Variants in FBN2 observed in about 807,000 individuals in gnomAD.
FBN2 encodes the protein fibrillin 2, also known as fibrillin-2.
A neutral mutation model predicts 355.6 loss-of-function variants in FBN2; 105 were observed. The ratio of observed to expected loss-of-function variants is 0.30; its 90% CI spans 0.25 to 0.35. The LOEUF is 0.35. Ranked by LOEUF, FBN2 falls within the 10% of genes least tolerant of loss-of-function variation. The pLI is 1.00. For missense variants in FBN2, 3,280 were observed against 3,758.7 expected, an observed-to-expected ratio of 0.87 and a Z score of 3.33; for synonymous variants, 1,350 against 1,301.2, an observed-to-expected ratio of 1.04 and a Z score of -0.81.
chr5:128,408,863 A>ATT (rs770303611), intron 7 of FBN2, 64 bp from the exon 8 acceptor site: 6 of 1,511,688 alleles, frequency 4.0e-6, no homozygotes, highest in Non-Finnish European at 5.5e-6. Context: ...TTTAAAAGAG[A>ATT]TTTTTTTTTT....
chr5:128,431,364 C>T (rs1753622075), intron 7 of FBN2, among the ~76,000 whole-genome samples: 1 of 152,160 alleles, frequency 6.6e-6, no homozygotes, highest in African/African-American at 2.4e-5. Flanking sequence ...ATGCCTGAAA[C>T]CATGCATGGT....
chr5:128,396,092 ATGAGGC>A (rs1342992771), intron 8 of FBN2, among the ~76,000 whole-genome samples: 3 of 152,302 alleles, frequency 2.0e-5, no homozygotes, highest in African/African-American at 7.2e-5. Context: ...AGTGGAGATG[ATGAGGC>A]TGAGCAGAGG....
chr5:128,350,776 T>C, intron 21 of FBN2, 92 bp downstream of exon 21: 5 of 1,411,142 alleles, frequency 3.5e-6, no homozygotes, highest in Non-Finnish European at 5.0e-6. Context: ...TCTCTGACCT[T>C]CTTCACTAAG....
At chr5:128,426,656 C>T (rs908337516) in intron 7 of FBN2, among the ~76,000 whole-genome samples, 2 of 152,152 alleles carry the variant, frequency 1.3e-5, no homozygotes, top group African/African-American at 4.8e-5. Context: ...GTTAAAGCTT[C>T]CCTTCTTCCT....
At chr5:128,484,144 T>G (rs1408306114) in intron 5 of FBN2, among the ~76,000 whole-genome samples, 1 of 152,236 alleles carries the variant, frequency 6.6e-6, no homozygotes, top group East Asian at 1.9e-4. Context: ...TATCCATACT[T>G]GAGTACATTT....
At chr5:128,509,508 C>T (rs1038042231) in intron 5 of FBN2, among the ~76,000 whole-genome samples, 2 of 152,090 alleles carry the variant, frequency 1.3e-5, no homozygotes, top group African/African-American at 2.4e-5. Flanking sequence ...ATAATAACTA[C>T]TTTCATCTTC....
chr5:128,350,115 G>T, intron 21 of FBN2, 110 bp from the exon 22 acceptor site: 1 of 933,210 alleles, frequency 1.1e-6, no homozygotes, highest in South Asian at 1.4e-5. Flanking sequence ...AAAAATGCAA[G>T]GCAGGGTCTT....
At chr5:128,483,619 C>T (rs1318562702) in intron 5 of FBN2, among the ~76,000 whole-genome samples, 3 of 151,422 alleles carry the variant, frequency 2.0e-5, no homozygotes, top group Non-Finnish European at 2.9e-5. Flanking sequence ...TGAATTTTCA[C>T]TAATTCTATG....
At chr5:128,443,984 T>C (rs1357252064) in intron 7 of FBN2, among the ~76,000 whole-genome samples, 1 of 151,874 alleles carries the variant, frequency 6.6e-6, no homozygotes. Flanking sequence ...AGCAACTGTT[T>C]ATAGTTTTTC....
chr5:128,465,218 AT>A (rs1265289311), intron 5 of FBN2, among the ~76,000 whole-genome samples: 1 of 152,228 alleles, frequency 6.6e-6, no homozygotes, highest in East Asian at 1.9e-4. Context: ...AGTAGCCAAC[AT>A]TGTAAACTTG....
At chr5:128,296,006 G>A (rs1438960451) in intron 48 of FBN2, among the ~76,000 whole-genome samples, 4 of 151,664 alleles carry the variant, frequency 2.6e-5, no homozygotes, top group Admixed American at 6.6e-5. Flanking sequence ...TTTGAGATAC[G>A]TCCCATCAAT....
chr5:128,266,415 C>T (rs1765113998), intron 62 of FBN2, among the ~76,000 whole-genome samples: 1 of 152,208 alleles, frequency 6.6e-6, no homozygotes, highest in South Asian at 2.1e-4. Flanking sequence ...GATTAGAAGG[C>T]AAACCGGCTT....
intron 25 of FBN2, among the ~76,000 whole-genome samples, chr5:128,343,338 C>A (rs1325502676): frequency 6.6e-6 from 1 of 152,162 alleles, no homozygotes; most frequent in Non-Finnish European, 1.5e-5. Flanking sequence ...GGATGAAGCT[C>A]TGGAGACTGG....
intron 5 of FBN2, among the ~76,000 whole-genome samples, chr5:128,478,055 T>C (rs1257664799): frequency 2.0e-5 from 3 of 152,230 alleles, no homozygotes; most frequent in Non-Finnish European, 4.4e-5. Context: ...GTGCAAGTAC[T>C]TCTCAGCTAT....
intron 5 of FBN2, among the ~76,000 whole-genome samples, chr5:128,514,863 A>T (rs1307172015): frequency 6.6e-6 from 1 of 152,206 alleles, no homozygotes; most frequent in South Asian, 2.1e-4. Flanking sequence ...GAAAATTACA[A>T]TGGAACTTAT....
chr5:128,446,625 T>G lies in FBN2; in HGVS notation c.827-19A>C, dbSNP rs199559284. On this transcript the variant is annotated intron_variant, in intron 6 of 64. Transcript: ENST00000262464. ...TCAACATCTGCAAGAAGAAAACATT[T>G]TGAACACAGATGACACTGGTTTTCA... 1.2e-6 allele frequency: 2 copies of G among 1,612,636 alleles called. No individual in the cohort carries two copies. Among genetic ancestry groups the G allele is most frequent in the East Asian group, 4.5e-5 (2 of 44,788 alleles).
chr5:128,278,497 C>T (rs1561744225), intron 57 of FBN2, 138 bp downstream of exon 57: 1 of 740,100 alleles, frequency 1.4e-6, no homozygotes, highest in East Asian at 2.7e-5. Flanking sequence ...TGAAAACACA[C>T]ATCAAATATA....
chr5:128,329,163 T>C (rs1212804794), intron 33 of FBN2, among the ~76,000 whole-genome samples: 1 of 152,158 alleles, frequency 6.6e-6, no homozygotes, highest in Non-Finnish European at 1.5e-5. Flanking sequence ...AAAAAGAACA[T>C]TGGAATTAAT....
chr5:128,520,284 A>G lies in FBN2; in HGVS notation c.533-916T>C, dbSNP rs115833727. The stretch of plus-strand genomic sequence containing the variant: ...ACACTCTCTAGAATCCTTGGAACCT[A>G]AGTATTCCCATGATCCATAATGAAG... On this transcript the variant is annotated intron_variant, in intron 4 of 64. Transcript: ENST00000262464. Among the ~76,000 whole-genome samples, 995 of 152,268 alleles carry G rather than the reference A, an allele frequency of 6.5e-3. 14 individuals carry two copies. The highest frequency in any genetic ancestry group is 0.022 in the African/African-American group (927 of 41,560).
Sources: allele counts gnomAD v4.1 joint callset (sites outside exome capture counted in the v4.1 genomes callset), GRCh38; gene constraint gnomAD v4.1.1; transcripts MANE v1.5; gene names NCBI Gene and HGNC (gene_info 2026-07-23, HGNC 2026-07-21).